The following ZNF410 variants were observed in gnomAD, a reference collection of about 807,000 sequenced individuals.
ZNF410 encodes the protein zinc finger protein 410, also known as another partner for ARF 1.
Under a neutral mutation model 54.8 loss-of-function variants are expected in ZNF410, and 18 were observed. That is an observed-to-expected ratio of 0.33 (90% CI 0.23 to 0.49). ZNF410 has a LOEUF of 0.49. ZNF410 is among the 20% of genes least tolerant of loss of function. ZNF410 has a pLI of 0.99. For missense variants in ZNF410, 405 were observed against 569.6 expected (o/e 0.71, Z 2.94); for synonymous variants, 191 against 207.3 (o/e 0.92, Z 0.68).
chr14:73,921,942 G>T, intron 9 of ZNF410, 124 bp from the exon 10 acceptor site: 1 of 1,065,144 alleles, frequency 9.4e-7, no homozygotes, highest in Non-Finnish European at 1.4e-6. Flanking sequence ...GAAATAGGGG[G>T]TGGCATCCCA....
Position 73,893,890 on chromosome 14 carries a change from C to T in ZNF410, c.127C>T (p.Pro43Ser). 1 of 1,613,992 alleles carries T rather than the reference C, an allele frequency of 6.2e-7. No homozygotes were observed. Among genetic ancestry groups the T allele is most frequent in the Non-Finnish European group, 8.5e-7 (1 of 1,179,952 alleles). ...AGATATTACTTGCTTGTCCCTCCTT[C>T]CCGTGACTGAAGCCTCAGAATGCAG... ...AKDITCLSLL[P>S]VTEASECSRL... Residue 43 changes from proline (P) to serine (S), a missense_variant, in exon 3 of 12, where the codon CCC becomes TCC. Coordinates refer to ENST00000555044, the MANE Select transcript of ZNF410 (RefSeq NM_021188.3).
At chr14:73,917,687 G>T (rs1032853627) in intron 8 of ZNF410, among the ~76,000 whole-genome samples, 10 of 152,072 alleles carry the variant, frequency 6.6e-5, no homozygotes, top group Non-Finnish European at 1.5e-4. Flanking sequence ...GCTGGGTGTG[G>T]TGGCATGTGC....
intron 1 of ZNF410, among the ~76,000 whole-genome samples, chr14:73,891,590 G>A (rs2055231010): frequency 1.3e-5 from 2 of 152,178 alleles, no homozygotes; most frequent in South Asian, 4.1e-4. Context: ...TTGACCTCAA[G>A]TGATCCACCT....
intron 1 of ZNF410, chr14:73,891,745 T>C: frequency 2.5e-6 from 1 of 393,864 alleles, no homozygotes; most frequent in South Asian, 3.4e-5. Context: ...CTTCCAGTTG[T>C]TTATTACATA....
At chr14:73,892,347 ATTG>A (rs2055243023) in intron 2 of ZNF410, 139 bp downstream of exon 2, 1 of 689,188 alleles carries the variant, frequency 1.5e-6, no homozygotes, top group African/African-American at 2.1e-5. Context: ...TATGGTTTTG[ATTG>A]TTACTATTTT....
intron 8 of ZNF410, among the ~76,000 whole-genome samples, chr14:73,910,928 GACT>G (rs199706294): frequency 1.3e-5 from 2 of 150,244 alleles, no homozygotes; most frequent in African/African-American, 2.5e-5. Context: ...TTGTCAGGCT[GACT>G]CACATATTTA....
chr14:73,901,614 C>T (rs1218739619), intron 5 of ZNF410, among the ~76,000 whole-genome samples: 1 of 151,748 alleles, frequency 6.6e-6, no homozygotes, highest in Non-Finnish European at 1.5e-5. Context: ...CCCCTACTAT[C>T]ACTGATTTGA....
rs2055351797 is a variant in ZNF410, at chr14:73,898,166, A to G, written c.484A>G (p.Ile162Val). The G allele has an allele frequency of 2.5e-6, 4 of 1,614,170 alleles. No homozygotes were observed. The highest frequency in any genetic ancestry group is 1.1e-5 in the South Asian group (1 of 91,084). Reference sequence around the variant, plus strand: ...CTCCAGTGAGAGCACAGACAGTAGCATTCCATGGTTCCTCCGGGTTCAGGA... The same window carrying G: ...CTCCAGTGAGAGCACAGACAGTAGCGTTCCATGGTTCCTCCGGGTTCAGGA... ...FLSSESTDSS[I>V]PWFLRVQELA... is the part of the protein sequence containing the mutation. The change falls in exon 5 of 12, where the codon ATT becomes GTT. Residue 162 changes from isoleucine to valine, a missense_variant. Coordinates refer to ENST00000555044, the MANE Select transcript of ZNF410 (RefSeq NM_021188.3).
At chr14:73,889,410 T>C (rs2055189939) in intron 1 of ZNF410, among the ~76,000 whole-genome samples, 1 of 131,802 alleles carries the variant, frequency 7.6e-6, no homozygotes, top group Non-Finnish European at 1.5e-5. Context: ...CCAGCCTGCG[T>C]GACAGAGCGA....
chr14:73,911,917 C>A (rs1252985974), intron 8 of ZNF410, among the ~76,000 whole-genome samples: 1 of 151,956 alleles, frequency 6.6e-6, no homozygotes, highest in Non-Finnish European at 1.5e-5. Flanking sequence ...ATAGAATAGC[C>A]CACATTCTGG....
Position 73,896,513 on chromosome 14 carries a change from C to T in ZNF410, c.367C>T (p.Leu123Phe), listed in dbSNP as rs1307494804. 1 of 1,614,110 alleles carries T rather than the reference C, an allele frequency of 6.2e-7. No homozygotes were observed. Among genetic ancestry groups the T allele is most frequent in the East Asian group, 2.2e-5 (1 of 44,878 alleles). The change falls in exon 4 of 12, where the codon CTT (leucine) becomes TTT (phenylalanine). Residue 123 changes from leucine to phenylalanine, a missense_variant. Leu to Phe is a conservative substitution (Grantham distance 22). Transcript: ENST00000555044. Reference sequence around the variant, plus strand: ...GCCAAGTGATAGCACTTCTTTTATTCTTCTTAACCTAACAAGAGCAGGTAT... The same window carrying T: ...GCCAAGTGATAGCACTTCTTTTATTTTTCTTAACCTAACAAGAGCAGGTAT... ...LQPSDSTSFILLNLTRAGLGS... is the reference protein window; with the variant it reads ...LQPSDSTSFIFLNLTRAGLGS...
At chr14:73,891,827 A>C in intron 1 of ZNF410, 200 bp from the exon 2 acceptor site, 1 of 576,366 alleles carries the variant, frequency 1.7e-6, no homozygotes, top group Non-Finnish European at 3.0e-6. Context: ...TAGAGGTTGA[A>C]ATACTGCATC....
intron 1 of ZNF410, among the ~76,000 whole-genome samples, chr14:73,891,519 A>G (rs978804519): frequency 1.3e-5 from 2 of 152,002 alleles, no homozygotes; most frequent in Non-Finnish European, 2.9e-5. Flanking sequence ...ATGCTCAGCT[A>G]ATTTTTGTAT....
At chr14:73,929,067 G>T (rs1043128116) in intron 11 of ZNF410, among the ~76,000 whole-genome samples, 3 of 152,216 alleles carry the variant, frequency 2.0e-5, no homozygotes, top group African/African-American at 7.2e-5. Flanking sequence ...TGTCCTGGAT[G>T]TAGCTCAAAA....
intron 7 of ZNF410, among the ~76,000 whole-genome samples, chr14:73,907,084 CTT>C (rs1255278615): frequency 6.6e-6 from 1 of 152,056 alleles, no homozygotes; most frequent in Non-Finnish European, 1.5e-5. Context: ...TTTAAGGTAA[CTT>C]TATGCATTAG....
intron 3 of ZNF410, chr14:73,896,035 G>A: frequency 2.5e-6 from 1 of 394,922 alleles, no homozygotes; most frequent in Non-Finnish European, 4.5e-6. Flanking sequence ...CCTCAAAAAG[G>A]ACTAAATTCT....
Position 73,898,039 on chromosome 14 carries a change from T to A in ZNF410, c.389-32T>A, listed in dbSNP as rs111878235. The A allele has an allele frequency of 1.4e-3, 2,283 of 1,584,234 alleles. 24 individuals carry two copies. In the African/African-American group the frequency reaches 0.028, roughly 19 times the overall value. On this transcript the variant is annotated intron_variant, in intron 4 of 11. Transcript: ENST00000555044. The stretch of plus-strand genomic sequence containing the variant: ...AGGGCAAATAAAAAGCTTGCTTGGT[T>A]TCTAACTTTTCATATATTTTGTTTC...
At chr14:73,914,626 CTTTTTTTTT>C (rs771997792) in intron 8 of ZNF410, 1 of 112,018 alleles carries the variant, frequency 8.9e-6, no homozygotes, top group East Asian at 2.6e-4. Context: ...CCTTAATTTC[CTTTTTTTTT>C]TTTTTTTTTT....
chr14:73,913,951 A>G (rs1392037765), intron 8 of ZNF410: 2 of 152,090 alleles, frequency 1.3e-5, no homozygotes, highest in Non-Finnish European at 2.9e-5. Flanking sequence ...TAGATTTCTT[A>G]GTGTTTTCTA....
Sources: gnomAD v4.1 joint callset for allele counts (sites outside exome capture counted in the v4.1 genomes callset) on GRCh38, gnomAD v4.1.1 for gene constraint, MANE v1.5 for transcripts, NCBI Gene and HGNC (gene_info 2026-07-23, HGNC 2026-07-21) for gene names.